The following ARSH variants were observed in gnomAD, a reference collection of about 807,000 sequenced individuals.
The protein encoded by ARSH is arylsulfatase H.
ARSH carries 32 observed loss-of-function variants against 28.7 expected under a neutral mutation model. The observed-to-expected ratio is 1.11, with a 90% CI of 0.84 to 1.50. ARSH has a LOEUF of 1.50. Ranked by LOEUF, ARSH falls within the 40% of genes most tolerant of loss-of-function variation. The pLI is 0.00. For missense variants in ARSH, 440 were observed against 452.4 expected, an observed-to-expected ratio of 0.97 and a Z score of 0.25; for synonymous variants, 176 against 177.3, an observed-to-expected ratio of 0.99 and a Z score of 0.06.
At position 3,029,264 on chromosome X, in the gene ARSH, A is replaced by C; in HGVS notation, c.1217A>C (p.Asn406Thr). The C allele has an allele frequency of 8.3e-7, 1 of 1,209,978 alleles. No homozygotes were observed. Among genetic ancestry groups the C allele is most frequent in the Non-Finnish European group, 1.1e-6 (1 of 894,970 alleles). Residue 406 changes from asparagine to threonine, a missense_variant, in exon 8 of 9, where the codon AAC (asparagine) becomes ACC (threonine). Asn to Thr is a moderately conservative substitution (Grantham distance 65). Transcript: ENST00000381130. ...LSQDRVIDGQ[N>T]LMPLLEGRAS... ...CTCCCAAGAGTGATTGACGGCCAGA[A>C]CCTAATGCCCCTGCTGGAAGGAAGG...
intron 5 of ARSH, among the ~76,000 whole-genome samples, chrX:3,020,002 G>T (rs747177437): frequency 1.0e-4 from 11 of 109,590 alleles, no homozygotes; most frequent in Admixed American, 7.9e-4. Flanking sequence ...AATACAGAGA[G>T]GGGCCAGGCG....
chrX:3,007,195 G>A (rs2089830307), intron 1 of ARSH, among the ~76,000 whole-genome samples: 2 of 108,562 alleles, frequency 1.8e-5, no homozygotes, highest in South Asian at 8.3e-4. Context: ...GCTGCAGTGA[G>A]CTATGATCCC....
At chrX:3,024,239 A>G in intron 6 of ARSH, 84 bp downstream of exon 6, 1 of 952,113 alleles carries the variant, frequency 1.1e-6, no homozygotes, top group Non-Finnish European at 1.4e-6. Context: ...TTCATTTGCC[A>G]TGATGTTCAG....
intron 5 of ARSH, 28 bp from the exon 6 acceptor site, chrX:3,023,993 A>G (rs7056073): frequency 8.3e-7 from 1 of 1,205,924 alleles, no homozygotes; most frequent in Non-Finnish European, 1.1e-6. Context: ...CAAGAGGTCA[A>G]CGTCTTTGTG....
At chrX:3,009,299 A>G (rs1344316085) in intron 1 of ARSH, among the ~76,000 whole-genome samples, 6 of 110,131 alleles carry the variant, frequency 5.4e-5, no homozygotes. Context: ...CAACATGGTG[A>G]CACCTCATCT....
chrX:3,013,910 C>T (rs990954075), intron 3 of ARSH, among the ~76,000 whole-genome samples: 40 of 111,509 alleles, frequency 3.6e-4, no homozygotes, highest in South Asian at 3.8e-4. Flanking sequence ...AGCGTTCTTA[C>T]ATCATTAGAG....
intron 5 of ARSH, among the ~76,000 whole-genome samples, chrX:3,020,250 C>T (rs1372019857): frequency 1.2e-5 from 1 of 81,488 alleles, no homozygotes; most frequent in African/African-American, 4.9e-5. Flanking sequence ...CGAGATTGCA[C>T]CACTGTACTC....
intron 6 of ARSH, among the ~76,000 whole-genome samples, chrX:3,025,247 CATATA>C (rs2089895893): frequency 9.4e-6 from 1 of 106,528 alleles, no homozygotes; most frequent in South Asian, 3.9e-4. Flanking sequence ...ATATTTACTA[CATATA>C]ATATACATAA....
chrX:3,020,462 G>A lies in ARSH; in HGVS notation c.901+1792G>A, dbSNP rs774810137. Among the ~76,000 whole-genome samples the A allele has an allele frequency of 1.8e-4, 19 of 103,923 alleles. No homozygotes were observed. In the East Asian group the frequency reaches 3.3e-3, roughly 18 times the overall value. 90.2% of individuals were successfully genotyped at this position (103,923 alleles called of 115,157 possible). A position where few individuals can be genotyped will look rare whatever the true frequency, so the allele number is the denominator to read the frequency against. ...AAATGAGCCGGGCGCGGTGGCGGGC[G>A]CCTGTAGTCCCAGCTACTCCGGAGG... On this transcript the variant is annotated intron_variant, in intron 5 of 8. Transcript: ENST00000381130.
rs1174400272 is a variant in ARSH, at chrX:3,010,018, T to C, written c.93-12T>C. On this transcript the variant is annotated splice_polypyrimidine_tract_variant and intron_variant, in intron 1 of 8. Transcript: ENST00000381130. ...TAGAAACTCACCTGCTGAATTCTTC[T>C]TTGGTCTGCAGCACACCTAATATTG... 8.3e-6 allele frequency: 10 copies of C among 1,208,495 alleles called. No individual in the cohort carries two copies. The highest frequency in any genetic ancestry group is 1.0e-5 in the Non-Finnish European group (9 of 893,297).
intron 4 of ARSH, 139 bp downstream of exon 4, chrX:3,015,532 TAA>T: frequency 1.7e-6 from 1 of 605,798 alleles, no homozygotes; most frequent in Non-Finnish European, 2.5e-6. Flanking sequence ...GTTCCTGTAT[TAA>T]TTTGCTTAGA....
At chrX:3,012,785 G>A (rs113220358) in intron 2 of ARSH, among the ~76,000 whole-genome samples, 1,765 of 105,426 alleles carry the variant, frequency 0.017, 38 homozygotes, top group African/African-American at 0.056. Context: ...AAAAACTAAC[G>A]AAGGTTATTT....
At chrX:3,016,251 A>G (rs376470485) in intron 4 of ARSH, among the ~76,000 whole-genome samples, 31 of 110,285 alleles carry the variant, frequency 2.8e-4, no homozygotes, top group African/African-American at 9.9e-4. Context: ...GGCTCAAGTG[A>G]TTCACCCACT....
At chrX:3,007,932 T>C (rs1046501985) in intron 1 of ARSH, among the ~76,000 whole-genome samples, 24 of 111,510 alleles carry the variant, frequency 2.2e-4, no homozygotes, top group Admixed American at 1.5e-3. Flanking sequence ...ACCCCAGTCC[T>C]ATTGGATAAG....
intron 2 of ARSH, among the ~76,000 whole-genome samples, chrX:3,010,495 T>C (rs752360940): frequency 9.0e-6 from 1 of 111,638 alleles, no homozygotes; most frequent in Non-Finnish European, 1.9e-5. Flanking sequence ...CTGAGATAAG[T>C]GGATCAAATC....
intron 2 of ARSH, among the ~76,000 whole-genome samples, chrX:3,012,580 TA>T (rs1220578020): frequency 5.5e-5 from 1 of 18,232 alleles, no homozygotes; most frequent in Non-Finnish European, 8.6e-5. Context: ...TATATATATA[TA>T]TATATATATA....
rs542535669 is a variant in ARSH at position 3,023,623 on chromosome X, T to C, written c.902-398T>C. On this transcript the variant is annotated intron_variant, in intron 5 of 8. Coordinates refer to ENST00000381130, the MANE Select transcript of ARSH (RefSeq NM_001011719.2). ...TTCCATAATTGATTATATTTTAATA[T>C]ATAACAATTCTTTATGCATTTTTAA... Among the ~76,000 whole-genome samples, 5 of 107,262 alleles carry C rather than the reference T, an allele frequency of 4.7e-5. No individual in the cohort carries two copies. The South Asian group carries it at 1.6e-3, about 34-fold the overall frequency. The allele number at this position is 107,262 out of a possible 115,157, so 93.1% of individuals were successfully genotyped here. A position where few individuals can be genotyped will look rare whatever the true frequency, so the allele number is the denominator to read the frequency against.
chrX:3,008,199 T>C (rs1478631961), intron 1 of ARSH, among the ~76,000 whole-genome samples: 2 of 112,300 alleles, frequency 1.8e-5, no homozygotes, highest in Non-Finnish European at 3.8e-5. Context: ...TTTTTCATTA[T>C]ATACATACAC....
At chrX:3,009,503 T>C (rs1222196415) in intron 1 of ARSH, among the ~76,000 whole-genome samples, 1 of 109,942 alleles carries the variant, frequency 9.1e-6, no homozygotes, top group Non-Finnish European at 1.9e-5. Context: ...CAAATTTAAA[T>C]AAATTAGTAG....
Sources: allele counts gnomAD v4.1 joint callset (sites outside exome capture counted in the v4.1 genomes callset), GRCh38; gene constraint gnomAD v4.1.1; transcripts MANE v1.5; gene names NCBI Gene and HGNC (gene_info 2026-07-23, HGNC 2026-07-21).